Variants in ZNF318 observed in about 807,000 individuals in gnomAD.
The protein encoded by ZNF318 is endocrine regulator.
Under a neutral mutation model 124.2 loss-of-function variants are expected in ZNF318, and 51 were observed. The observed-to-expected ratio is 0.41, with a 90% confidence interval of 0.33 to 0.52. ZNF318 has a LOEUF of 0.52. ZNF318 is among the 20% of genes least tolerant of loss of function. The probability of loss-of-function intolerance (pLI) is 0.23; values close to 1 mark genes in which losing one functional copy is unlikely to be tolerated. For missense variants in ZNF318, 2,815 were observed against 2,811.2 expected (o/e 1.00, Z -0.03); for synonymous variants, 1,090 against 1,040.7 (o/e 1.05, Z -0.91).
At chr6:43,367,103 G>A (rs1318321434) in intron 1 of ZNF318, among the ~76,000 whole-genome samples, 1 of 152,150 alleles carries the variant, frequency 6.6e-6, no homozygotes, top group Non-Finnish European at 1.5e-5. Flanking sequence ...GCCTGCCTCG[G>A]CCTCCCAAAG....
Position 43,339,001 on chromosome 6 carries a change from C to T in ZNF318, c.4997G>A (p.Ser1666Asn), listed in dbSNP as rs1243147806. ...WSVVEHVGPKSTGSTYGFLQP... is the reference protein window; with the variant it reads ...WSVVEHVGPKNTGSTYGFLQP... ...TAGGAAGCCATAGGTGCTGCCTGTGCTTTTTGGGCCTACATGTTCTACAAC... is the reference window on the plus strand; with the variant it reads ...TAGGAAGCCATAGGTGCTGCCTGTGTTTTTTGGGCCTACATGTTCTACAAC... Residue 1666 changes from serine (S) to asparagine (N), a missense_variant, in exon 10 of 10, where the codon AGC becomes AAC. This residue lies in a region of ZNF318 where 927 missense variants were observed against 820.6 expected (regional missense o/e 1.13). Coordinates refer to ENST00000361428, the MANE Select transcript of ZNF318 (RefSeq NM_014345.3). This position sits in a 1 kb window ranked among gnomAD's most constrained non-coding sequence, Gnocchi z 4.2. The T allele has an allele frequency of 3.1e-6, 5 of 1,614,062 alleles. No homozygotes were observed. The highest frequency in any genetic ancestry group is 3.4e-6 in the Non-Finnish European group (4 of 1,180,048).
At position 43,355,844 on chromosome 6, in the gene ZNF318, T is replaced by C. The variant is rs2150754703; in HGVS notation, c.1490A>G (p.His497Arg). Residue 497 changes from histidine (H) to arginine (R), a missense_variant, in exon 4 of 10, where the codon CAT (histidine) becomes CGT (arginine). His to Arg is a conservative substitution (Grantham distance 29). Transcript: ENST00000361428. ...PERHTDFLLP[H>R]ERASQDGSGF... ...ACTGCCATCCTGGCTAGCTCTCTCATGGGGCAGCAGGAAGTCTGTGTGTCG... is the reference window on the plus strand; with the variant it reads ...ACTGCCATCCTGGCTAGCTCTCTCACGGGGCAGCAGGAAGTCTGTGTGTCG... 6.2e-7 allele frequency: 1 copy of C among 1,614,246 alleles called. No individual in the cohort carries two copies. Among genetic ancestry groups the C allele is most frequent in the Non-Finnish European group, 8.5e-7 (1 of 1,180,036 alleles).
chr6:43,346,641 A>C (rs1779451457), intron 6 of ZNF318, among the ~76,000 whole-genome samples: 1 of 152,154 alleles, frequency 6.6e-6, no homozygotes, highest in Admixed American at 6.5e-5. Flanking sequence ...GTGCTAAAGA[A>C]GGCTGACTAG....
rs1779308928 is a variant in ZNF318 at position 43,337,862 on chromosome 6, C to T, written c.6136G>A (p.Glu2046Lys). ...PTVLCQKVCE[E>K]NSVSPIGCNS... ...CACCCTATAGGTGATACAGAATTTT[C>T]TTCACACACTTTCTGACACAAGACA... Residue 2046 changes from glutamate to lysine, a missense_variant, in exon 10 of 10, where the codon GAA becomes AAA. Glu to Lys is a moderately conservative substitution (Grantham distance 56). This residue lies in a region of ZNF318 where 927 missense variants were observed against 820.6 expected (regional missense o/e 1.13). Transcript: ENST00000361428. 7 of 1,614,116 alleles carry T rather than the reference C, an allele frequency of 4.3e-6. No individual in the cohort carries two copies. In the Admixed American group the frequency reaches 5.0e-5, roughly 12 times the overall value.
chr6:43,348,492 C>A lies in ZNF318; in HGVS notation c.2904G>T (p.Lys968Asn). 2.5e-6 allele frequency: 4 copies of A among 1,614,160 alleles called. No individual in the cohort carries two copies. Among genetic ancestry groups the A allele is most frequent in the Non-Finnish European group, 3.4e-6 (4 of 1,180,030 alleles). The change falls in exon 6 of 10, where the codon AAG becomes AAT. Residue 968 changes from lysine (K) to asparagine (N), a missense_variant. Lys to Asn is a moderately conservative substitution (Grantham distance 94). This residue lies in a region of ZNF318 where 1,377 missense variants were observed against 1,353.5 expected (regional missense o/e 1.02). Transcript: ENST00000361428. ...ELRQEAEEAE[K>N]KQSELDKVAQ... ...CCACTTTGTCCAGTTCAGATTGCTT[C>A]TTTTCTGCCTCTTCTGCCTCTTGCC...
Position 43,368,966 on chromosome 6 carries a change from C to T in ZNF318, c.399+1G>A. ...GAGTCCTGGACGAGGGGTGGGATTA[C>T]CCGGCTGCCGCTGTCGCCTGGATGG... On this transcript the variant is annotated splice_donor_variant, in intron 1 of 9. Coordinates refer to ENST00000361428, the MANE Select transcript of ZNF318 (RefSeq NM_014345.3). LOFTEE classifies it high-confidence loss of function. 7.1e-7 allele frequency: 1 copy of T among 1,407,086 alleles called. No individual in the cohort carries two copies. 87.2% of individuals were successfully genotyped at this position (1,407,086 alleles called of 1,614,324 possible).
rs552813375 is a variant in ZNF318, at chr6:43,339,528, G to A, written c.4470C>T (p.Phe1490=). The A allele has an allele frequency of 7.4e-6, 12 of 1,614,062 alleles. No individual in the cohort carries two copies. The highest frequency in any genetic ancestry group is 6.7e-5 in the African/African-American group (5 of 75,012). ...PVVSQTLSPG[F]VGPNILNPVL... ...CTGGGTTCAAAATGTTAGGACCCAC[G>A]AAGCCAGGGCTGAGAGTCTGAGATA... Residue 1490 remains phenylalanine, a synonymous_variant, in exon 10 of 10, where the codon TTC becomes TTT. Transcript: ENST00000361428. This position sits in a 1 kb window ranked among gnomAD's most constrained non-coding sequence, Gnocchi z 4.2.
At position 43,338,858 on chromosome 6, in the gene ZNF318, G is replaced by A. The variant is rs747601190; in HGVS notation, c.5140C>T (p.Pro1714Ser). The A allele has an allele frequency of 6.2e-7, 1 of 1,614,092 alleles. No homozygotes were observed. Among genetic ancestry groups the A allele is most frequent in the East Asian group, 2.2e-5 (1 of 44,884 alleles). Residue 1714 changes from proline (P) to serine (S), a missense_variant, in exon 10 of 10, where the codon CCA becomes TCA. Transcript: ENST00000361428. Reference protein sequence around the residue: ...FQSDTSRDISPEKSELDLGEP... With the variant: ...FQSDTSRDISSEKSELDLGEP... ...CCCAGGTCAAGCTCACTCTTCTCTG[G>A]AGATATATCCCTACTAGTGTCACTC...
chr6:43,342,617 T>A, intron 7 of ZNF318, 59 bp downstream of exon 7: 3 of 1,538,304 alleles, frequency 2.0e-6, no homozygotes, highest in Non-Finnish European at 2.7e-6. Flanking sequence ...CAGATAGGGG[T>A]ATAGAAGTTT....
chr6:43,337,354 G>A lies in ZNF318; in HGVS notation c.6644C>T (p.Ala2215Val). The change falls in exon 10 of 10, where the codon GCA becomes GTA. Residue 2215 changes from alanine to valine, a missense_variant. Coordinates refer to ENST00000361428, the MANE Select transcript of ZNF318 (RefSeq NM_014345.3). ...CAGAATTGCCACCTCTGTGGTGGATGCATTCGATATTTCTAGCTGTAATGG... is the reference window on the plus strand; with the variant it reads ...CAGAATTGCCACCTCTGTGGTGGATACATTCGATATTTCTAGCTGTAATGG... Reference protein sequence around the residue: ...LGPLQLEISNASTTEVAILQV... With the variant: ...LGPLQLEISNVSTTEVAILQV... 2.5e-6 allele frequency: 4 copies of A among 1,614,170 alleles called. 1 individual carries two copies. Among genetic ancestry groups the A allele is most frequent in the East Asian group, 2.2e-5 (1 of 44,890 alleles).
chr6:43,354,892 A>G lies in ZNF318; in HGVS notation c.2442T>C (p.Pro814=). The G allele has an allele frequency of 6.2e-7, 1 of 1,613,668 alleles. No individual in the cohort carries two copies. Among genetic ancestry groups the G allele is most frequent in the Non-Finnish European group, 8.5e-7 (1 of 1,179,600 alleles). Residue 814 remains proline (P), a synonymous_variant, in exon 4 of 10, where the codon CCT becomes CCC. Coordinates refer to ENST00000361428, the MANE Select transcript of ZNF318 (RefSeq NM_014345.3). ...MYPTSQPSNH[P]VPEPHRIMPI... ...GCATTATCCTGTGTGGTTCAGGTAC[A>G]GGGTGGTTTGACGGTTGAGAGGTGG...
At chr6:43,368,175 C>G (rs747839363) in intron 1 of ZNF318, among the ~76,000 whole-genome samples, 2 of 152,230 alleles carry the variant, frequency 1.3e-5, no homozygotes, top group Non-Finnish European at 2.9e-5. Flanking sequence ...CTCCGTTCCT[C>G]TAGCAGTGAA....
At chr6:43,363,352 G>A (rs927133711) in intron 2 of ZNF318, 3 of 154,174 alleles carry the variant, frequency 1.9e-5, no homozygotes, top group African/African-American at 4.8e-5. Flanking sequence ...AAGTGATACA[G>A]TCACATATCT....
intron 5 of ZNF318, among the ~76,000 whole-genome samples, chr6:43,351,202 T>C (rs909902358): frequency 6.6e-6 from 1 of 152,208 alleles, no homozygotes; most frequent in African/African-American, 2.4e-5. Flanking sequence ...ATGTTAATGT[T>C]ATGAAATACA....
intron 1 of ZNF318, among the ~76,000 whole-genome samples, chr6:43,367,067 G>A (rs1224826534): frequency 6.6e-6 from 1 of 152,128 alleles, no homozygotes; most frequent in Non-Finnish European, 1.5e-5. Context: ...AGCCAACATG[G>A]TCTCGATCTC....
intron 6 of ZNF318, among the ~76,000 whole-genome samples, chr6:43,344,913 A>C (rs536453027): frequency 6.6e-6 from 1 of 152,218 alleles, no homozygotes; most frequent in South Asian, 2.1e-4. Flanking sequence ...AATAACATAC[A>C]CCAAGGTATT....
chr6:43,366,393 A>T (rs1464404421), intron 1 of ZNF318, among the ~76,000 whole-genome samples: 1 of 152,228 alleles, frequency 6.6e-6, no homozygotes, highest in Non-Finnish European at 1.5e-5. Context: ...TAGTGACATC[A>T]TCTGACTACA....
At chr6:43,363,867 C>T in intron 2 of ZNF318, 3 of 777,684 alleles carry the variant, frequency 3.9e-6, no homozygotes, top group Non-Finnish European at 6.5e-6. Flanking sequence ...CCACTGCCAC[C>T]TGCGGGGCCA....
chr6:43,350,553 A>G (rs534344796), intron 5 of ZNF318, among the ~76,000 whole-genome samples: 1 of 152,294 alleles, frequency 6.6e-6, no homozygotes, highest in South Asian at 2.1e-4. Flanking sequence ...GATAACCATC[A>G]CAGGCCAGGC....
Sources: allele counts gnomAD v4.1 joint callset (sites outside exome capture counted in the v4.1 genomes callset), GRCh38; gene constraint gnomAD v4.1.1; regional missense constraint gnomAD v4.1.1; non-coding constraint Gnocchi (gnomAD v3.1); transcripts MANE v1.5; gene names NCBI Gene and HGNC (gene_info 2026-07-23, HGNC 2026-07-21).